Variants in IGF2BP3 observed in about 807,000 individuals in gnomAD.
IGF2BP3 encodes insulin-like growth factor 2 mRNA-binding protein 3.
IGF2BP3 carries 9 observed loss-of-function variants against 73.8 expected under a neutral mutation model. The observed-to-expected ratio is 0.12, with a 90% CI of 0.07 to 0.21. The LOEUF is 0.21. Among genes scored for constraint, IGF2BP3 ranks in the 10% least tolerant of loss-of-function variants. The probability of loss-of-function intolerance (pLI) is 1.00; values close to 1 mark genes in which losing one functional copy is unlikely to be tolerated. For missense variants in IGF2BP3, 542 were observed against 714.0 expected, an observed-to-expected ratio of 0.76 and a Z score of 2.75; for synonymous variants, 258 against 256.7, an observed-to-expected ratio of 1.01 and a Z score of -0.05.
Position 23,406,060 on chromosome 7 carries a change from TTC to T in IGF2BP3, c.285+12714_285+12715del, listed in dbSNP as rs1317317983. 1.4e-5 allele frequency among the ~76,000 whole-genome samples: 2 copies of T among 146,614 alleles called. 1 individual carries two copies. Among genetic ancestry groups the T allele is most frequent in the Admixed American group, 1.4e-4 (2 of 14,636 alleles). The stretch of plus-strand genomic sequence containing the variant: ...AGAAATAAAAGCCATGATCAAAATT[TTC>T]TGATTAAAAAAAAAAAAAAAGAAAG... On this transcript the variant is annotated intron_variant, in intron 3 of 14. Transcript: ENST00000258729.
chr7:23,437,885 A>G (rs982945612), intron 2 of IGF2BP3, among the ~76,000 whole-genome samples: 7 of 152,232 alleles, frequency 4.6e-5, no homozygotes, highest in Non-Finnish European at 8.8e-5. Flanking sequence ...CAGATTAAGG[A>G]AACAGCCTCA....
At chr7:23,358,029 A>G (rs1025387720) in intron 5 of IGF2BP3, among the ~76,000 whole-genome samples, 2 of 152,274 alleles carry the variant, frequency 1.3e-5, no homozygotes, top group Non-Finnish European at 2.9e-5. Context: ...GGAAAAATAC[A>G]TAATAGCTGC....
chr7:23,346,279 T>C (rs1784826010), intron 7 of IGF2BP3: 1 of 468,988 alleles, frequency 2.1e-6, no homozygotes, highest in African/African-American at 2.0e-5. Flanking sequence ...ATAGTTCTTA[T>C]TTTATTCACT....
At chr7:23,368,419 A>G (rs1785450902) in intron 3 of IGF2BP3, among the ~76,000 whole-genome samples, 1 of 151,298 alleles carries the variant, frequency 6.6e-6, no homozygotes, top group Admixed American at 6.6e-5. Context: ...AACAGTCACA[A>G]AAAACTACTT....
chr7:23,436,889 G>A (rs1345998863), intron 2 of IGF2BP3, among the ~76,000 whole-genome samples: 1 of 152,214 alleles, frequency 6.6e-6, no homozygotes, highest in Non-Finnish European at 1.5e-5. Flanking sequence ...GCCAAGGCGG[G>A]TGGATTACCT....
chr7:23,451,764 C>T (rs1329685707), intron 2 of IGF2BP3, among the ~76,000 whole-genome samples: 2 of 151,838 alleles, frequency 1.3e-5, no homozygotes, highest in Admixed American at 6.6e-5. Flanking sequence ...GCCTGGCCAA[C>T]GTAGTGAAAC....
rs75624157 is a variant in IGF2BP3, at chr7:23,411,814, C to T, written c.285+6962G>A. ...AAGTCATCTACCTCCCCACAAACCT[C>T]AAGACAGCTTTCCACTTCTCAGCAC... On this transcript the variant is annotated intron_variant, in intron 3 of 14. Coordinates refer to ENST00000258729, the MANE Select transcript of IGF2BP3 (RefSeq NM_006547.3). Among the ~76,000 whole-genome samples, 1,344 of 152,188 alleles carry T rather than the reference C, an allele frequency of 8.8e-3. 26 individuals are homozygous for T. Among genetic ancestry groups the T allele is most frequent in the East Asian group, 0.082 (425 of 5,178 alleles).
rs768840788 is a variant in IGF2BP3 at position 23,346,050 on chromosome 7, G to C, written c.831C>G (p.Ile277Met). 1 of 1,612,880 alleles carries C rather than the reference G, an allele frequency of 6.2e-7. No individual in the cohort carries two copies. Among genetic ancestry groups the C allele is most frequent in the Non-Finnish European group, 8.5e-7 (1 of 1,179,852 alleles). ...EAQDIKFTEE[I>M]PLKILAHNNF... ...TATTATGAGCTAAAATCTTCAAGGG[G>C]ATCTCTTCTGTGCTGTAAATAGAAA... Residue 277 changes from isoleucine (I) to methionine (M), a missense_variant, in exon 8 of 15, where the codon ATC (isoleucine) becomes ATG (methionine). Physicochemically the swap from Ile to Met is conservative, Grantham distance 10. Coordinates refer to ENST00000258729, the MANE Select transcript of IGF2BP3 (RefSeq NM_006547.3).
chr7:23,427,423 T>C (rs1420290709), intron 2 of IGF2BP3, among the ~76,000 whole-genome samples: 2 of 152,118 alleles, frequency 1.3e-5, no homozygotes, highest in South Asian at 2.1e-4. Flanking sequence ...AAACCAACTT[T>C]GGCAAATCCC....
intron 6 of IGF2BP3, among the ~76,000 whole-genome samples, chr7:23,350,986 G>C (rs1465987033): frequency 2.0e-5 from 3 of 152,118 alleles, no homozygotes; most frequent in South Asian, 4.2e-4. Context: ...GGGCAGGTGG[G>C]GGGTAAGGGG....
chr7:23,343,331 T>C (rs970468967), intron 9 of IGF2BP3, among the ~76,000 whole-genome samples: 8 of 152,264 alleles, frequency 5.3e-5, no homozygotes, highest in Admixed American at 5.2e-4. Flanking sequence ...GAGTAAATCA[T>C]ATAAGAGAAG....
chr7:23,328,929 G>A (rs1446063733), intron 10 of IGF2BP3, among the ~76,000 whole-genome samples: 2 of 152,170 alleles, frequency 1.3e-5, no homozygotes, highest in African/African-American at 4.8e-5. Context: ...TAAAACAAGA[G>A]CCGGGCGCGG....
intron 3 of IGF2BP3, among the ~76,000 whole-genome samples, chr7:23,404,188 G>A (rs142020724): frequency 1.3e-3 from 196 of 151,082 alleles, no homozygotes; most frequent in African/African-American, 4.4e-3. Flanking sequence ...GCTCATAATC[G>A]ACACAACCCA....
Position 23,422,733 on chromosome 7 carries a change from G to A in IGF2BP3, c.237-3909C>T, listed in dbSNP as rs145197869. On this transcript the variant is annotated intron_variant, in intron 2 of 14. Transcript: ENST00000258729. The stretch of plus-strand genomic sequence containing the variant: ...ATTATTTCCCTTAAATGGTTTTCTC[G>A]TTTCCCTTACCTGATACTCTTAAGT... 4.1e-3 allele frequency among the ~76,000 whole-genome samples: 628 copies of A among 152,202 alleles called. 6 individuals are homozygous for A. The highest frequency in any genetic ancestry group is 0.014 in the African/African-American group (561 of 41,526).
At chr7:23,410,373 G>C (rs1242399280) in intron 3 of IGF2BP3, among the ~76,000 whole-genome samples, 6 of 152,074 alleles carry the variant, frequency 3.9e-5, no homozygotes, top group Non-Finnish European at 2.9e-5. Flanking sequence ...AACTGATAAA[G>C]GGCATGATGA....
chr7:23,460,269 G>A (rs114871455), intron 2 of IGF2BP3, among the ~76,000 whole-genome samples: 5,245 of 148,646 alleles, frequency 0.035, 322 homozygotes, highest in African/African-American at 0.12. Flanking sequence ...GGCCAGGAGC[G>A]GTAGTCCCAG....
chr7:23,417,092 A>C (rs1787211888), intron 3 of IGF2BP3, among the ~76,000 whole-genome samples: 1 of 152,172 alleles, frequency 6.6e-6, no homozygotes, highest in African/African-American at 2.4e-5. Flanking sequence ...AAACATACAA[A>C]GTGACCCTTC....
At chr7:23,367,697 T>TAA (rs200722165) in intron 3 of IGF2BP3, among the ~76,000 whole-genome samples, 1 of 148,012 alleles carries the variant, frequency 6.8e-6, no homozygotes, top group Non-Finnish European at 1.5e-5. Flanking sequence ...TCAGCCTTTT[T>TAA]AAAAAAAAAA....
intron 2 of IGF2BP3, among the ~76,000 whole-genome samples, chr7:23,457,772 A>T (rs532429564): frequency 7.9e-5 from 12 of 152,338 alleles, no homozygotes; most frequent in African/African-American, 1.4e-4. Context: ...CCTGGGAACT[A>T]CTAGAGAGAG....
Sources: allele counts gnomAD v4.1 joint callset (sites outside exome capture counted in the v4.1 genomes callset), GRCh38; gene constraint gnomAD v4.1.1; transcripts MANE v1.5; gene names NCBI Gene and HGNC (gene_info 2026-07-23, HGNC 2026-07-21).